Variants in HECTD4 observed in about 807,000 individuals in gnomAD.
HECTD4 encodes HECT domain E3 ubiquitin protein ligase 4.
HECTD4 carries 114 observed loss-of-function variants against 471.5 expected under a neutral mutation model. The ratio of observed to expected loss-of-function variants is 0.24; its 90% CI spans 0.21 to 0.28. The LOEUF is 0.28. Among genes scored for constraint, HECTD4 ranks in the 10% least tolerant of loss-of-function variants. The pLI is 1.00. For missense variants in HECTD4, 3,866 were observed against 5,651.5 expected, an observed-to-expected ratio of 0.68 and a Z score of 10.13; for synonymous variants, 2,012 against 2,256.0, an observed-to-expected ratio of 0.89 and a Z score of 3.07.
chr12:112,332,090 G>C (rs1472546636), intron 1 of HECTD4, among the ~76,000 whole-genome samples: 1 of 151,900 alleles, frequency 6.6e-6, no homozygotes, highest in African/African-American at 2.4e-5. Context: ...AGACTGAAGG[G>C]CTGTCATGTG....
chr12:112,244,910 G>T (rs1035980569), intron 29 of HECTD4, among the ~76,000 whole-genome samples: 2 of 152,102 alleles, frequency 1.3e-5, no homozygotes, highest in Non-Finnish European at 2.9e-5. Context: ...TTAAATGGAA[G>T]AAGATAAAAC....
chr12:112,259,666 T>A (rs944466088), intron 18 of HECTD4, among the ~76,000 whole-genome samples: 1 of 152,118 alleles, frequency 6.6e-6, no homozygotes, highest in African/African-American at 2.4e-5. Context: ...ATTACAGGTA[T>A]GAACTACTTA....
At chr12:112,187,481 T>C in intron 60 of HECTD4, among the ~76,000 whole-genome samples, 1 of 151,580 alleles carries the variant, frequency 6.6e-6, no homozygotes, top group East Asian at 2.0e-4. Flanking sequence ...CAAGCCATCC[T>C]TTTGCCTCAG....
intron 62 of HECTD4, among the ~76,000 whole-genome samples, chr12:112,181,651 G>T (rs2031671851): frequency 6.6e-6 from 1 of 152,142 alleles, no homozygotes; most frequent in African/African-American, 2.4e-5. Flanking sequence ...GTAGAGACGA[G>T]GTCTCACTAT....
chr12:112,297,681 T>C (rs1248543362), intron 7 of HECTD4, among the ~76,000 whole-genome samples: 3 of 152,058 alleles, frequency 2.0e-5, no homozygotes, highest in African/African-American at 7.3e-5. Flanking sequence ...GGAGTTTAGC[T>C]GGGGGCATAT....
At chr12:112,242,412 A>G (rs1293204208) in intron 32 of HECTD4, among the ~76,000 whole-genome samples, 2 of 151,904 alleles carry the variant, frequency 1.3e-5, no homozygotes, top group Non-Finnish European at 2.9e-5. Context: ...CAGAAATTTG[A>G]GACCAGCCTG....
At chr12:112,275,788 T>C (rs1048539247) in intron 9 of HECTD4, among the ~76,000 whole-genome samples, 20 of 152,200 alleles carry the variant, frequency 1.3e-4, no homozygotes, top group African/African-American at 4.8e-4. Context: ...ACATAAATGA[T>C]ACTCTTTTTT....
chr12:112,327,397 A>G (rs947011044), intron 1 of HECTD4, among the ~76,000 whole-genome samples: 1 of 152,070 alleles, frequency 6.6e-6, no homozygotes, highest in African/African-American at 2.4e-5. Flanking sequence ...TTTATATTAA[A>G]TAAAACATTA....
At chr12:112,253,919 T>C (rs1273947684) in intron 22 of HECTD4, 124 bp downstream of exon 22, 3 of 914,552 alleles carry the variant, frequency 3.3e-6, no homozygotes, top group Non-Finnish European at 4.9e-6. Flanking sequence ...CCTGGTAAGG[T>C]GGCTCCACCT....
rs760997423 is a variant in HECTD4 at position 112,216,737 on chromosome 12, T to C, written c.7385+36A>G. On this transcript the variant is annotated intron_variant, in intron 47 of 75. Coordinates refer to ENST00000682272, the MANE Select transcript of HECTD4 (RefSeq NM_001388303.1). ...CTATACACACCTTGTGGGAGGCTAC[T>C]GCTCTCTGTCACACTGAGCTACTTC... 7.5e-6 allele frequency: 12 copies of C among 1,604,766 alleles called. No homozygotes were observed. The South Asian group carries it at 1.2e-4, about 16-fold the overall frequency.
At chr12:112,186,646 G>C (rs1451135615) in intron 60 of HECTD4, among the ~76,000 whole-genome samples, 1 of 143,630 alleles carries the variant, frequency 7.0e-6, no homozygotes, top group African/African-American at 2.6e-5. Context: ...ACCTTCTTTA[G>C]TAATTTTTTA....
intron 9 of HECTD4, among the ~76,000 whole-genome samples, chr12:112,276,464 T>A (rs73207635): frequency 0.015 from 2,238 of 152,336 alleles, 23 homozygotes; most frequent in Non-Finnish European, 0.023. Flanking sequence ...ATTTATTTAT[T>A]TAGAGACAGA....
chr12:112,335,902 A>C (rs1476455832), intron 1 of HECTD4, among the ~76,000 whole-genome samples: 1 of 152,224 alleles, frequency 6.6e-6, no homozygotes, highest in Non-Finnish European at 1.5e-5. Flanking sequence ...CTACCGATTT[A>C]ATAGATTTAG....
In HECTD4 at chr12:112,283,153, C is replaced by T; in HGVS notation, c.1485G>A (p.Leu495=). 1.9e-6 allele frequency: 3 copies of T among 1,613,748 alleles called. No individual in the cohort carries two copies. Among genetic ancestry groups the T allele is most frequent in the Non-Finnish European group, 2.5e-6 (3 of 1,179,802 alleles). The change falls in exon 8 of 76, where the codon CTG becomes CTA. Residue 495 remains leucine, a synonymous_variant. Coordinates refer to ENST00000682272, the MANE Select transcript of HECTD4 (RefSeq NM_001388303.1). ...RASPSATLAA[L]TGSTISNTLK... is the part of the protein sequence containing the mutation. Reference sequence around the variant, plus strand: ...GTGTGTTGGAGATGGTGGAACCAGTCAGGGCAGCAAGCGTTGCTGACGGGG... The same window carrying T: ...GTGTGTTGGAGATGGTGGAACCAGTTAGGGCAGCAAGCGTTGCTGACGGGG...
intron 9 of HECTD4, among the ~76,000 whole-genome samples, chr12:112,276,769 A>C (rs7962092): frequency 0.041 from 6,232 of 152,216 alleles, 278 homozygotes; most frequent in African/African-American, 0.11. Flanking sequence ...TAAATGGATA[A>C]AAGACTTTGG....
chr12:112,185,158 G>C lies in HECTD4; in HGVS notation c.9808C>G (p.Pro3270Ala). 1 of 1,552,640 alleles carries C rather than the reference G, an allele frequency of 6.4e-7. No homozygotes were observed. Among genetic ancestry groups the C allele is most frequent in the South Asian group, 1.2e-5 (1 of 84,136 alleles). The change falls in exon 61 of 76, where the codon CCT becomes GCT. Residue 3270 changes from proline (P) to alanine (A), a missense_variant. Pro to Ala is a conservative substitution (Grantham distance 27). Around this residue, in one of 16 missense-constraint regions of HECTD4, gnomAD observed 38 missense variants for 72.1 expected, o/e 0.53. Coordinates refer to ENST00000682272, the MANE Select transcript of HECTD4 (RefSeq NM_001388303.1). Reference protein sequence around the residue: ...GCLAVAEVTLPTNMSVTASGV... With the variant: ...GCLAVAEVTLATNMSVTASGV... ...CTGGCTGTGACACTCATGTTAGTAG[G>C]CAGGGTCACTTCGGCCACAGCCAGG...
In HECTD4 at chr12:112,162,378, T is replaced by G. The variant is rs2030722094; in HGVS notation, c.*9A>C. The G allele has an allele frequency of 6.2e-7, 1 of 1,613,690 alleles. No individual in the cohort carries two copies. The highest frequency in any genetic ancestry group is 1.7e-5 in the Admixed American group (1 of 59,998). On this transcript the variant is annotated 3_prime_UTR_variant, in exon 76 of 76. Transcript: ENST00000682272. This position sits in a 1 kb window ranked among gnomAD's most constrained non-coding sequence, Gnocchi z 5.2. ...CTCAGTGACAGCCTAATTCTGGGGC[T>G]CCCTCCCATCAGCCACTGAGGGGGT...
In HECTD4 at chr12:112,247,917, T is replaced by C. The variant is rs2033795661; in HGVS notation, c.4248+150A>G. On this transcript the variant is annotated intron_variant, in intron 27 of 75. Coordinates refer to ENST00000682272, the MANE Select transcript of HECTD4 (RefSeq NM_001388303.1). ...TCTAATCAATTTTCATTTAACCTCT[T>C]TTAAAGAATGGGTACATTTTTGGAG... The C allele has an allele frequency of 7.1e-6, 4 of 565,218 alleles. No individual in the cohort carries two copies. In the South Asian group the frequency reaches 1.2e-4, roughly 16 times the overall value. The allele number at this position is 565,218 out of a possible 1,614,324, so 35.0% of individuals were successfully genotyped here. A position where few individuals can be genotyped will look rare whatever the true frequency, so the allele number is the denominator to read the frequency against.
chr12:112,170,619 T>C (rs577664065), intron 68 of HECTD4, 167 bp from the exon 69 acceptor site: 1 of 754,734 alleles, frequency 1.3e-6, no homozygotes, highest in East Asian at 2.7e-5. Context: ...GCCCAGCATA[T>C]ACCCTTTGTC....
Sources: gnomAD v4.1 joint callset for allele counts (sites outside exome capture counted in the v4.1 genomes callset) on GRCh38, gnomAD v4.1.1 for gene constraint, gnomAD v4.1.1 regional missense constraint, Gnocchi (gnomAD v3.1) non-coding constraint, MANE v1.5 for transcripts, NCBI Gene and HGNC (gene_info 2026-07-23, HGNC 2026-07-21) for gene names.